The following PNKD variants were observed in gnomAD, a reference collection of about 807,000 sequenced individuals.
PNKD encodes PNKD metallo-beta-lactamase domain containing.
PNKD carries 36 observed loss-of-function variants against 45.3 expected under a neutral mutation model. The observed-to-expected ratio is 0.80, with a 90% CI of 0.61 to 1.05. The LOEUF (loss-of-function observed/expected upper bound fraction) is 1.05, where lower values mean the gene tolerates loss of function less well. Ranked by LOEUF, PNKD falls within the 50% of genes least tolerant of loss-of-function variation. The pLI is 0.00. For missense variants in PNKD, 511 were observed against 506.6 expected (o/e 1.01, Z -0.08); for synonymous variants, 197 against 210.1 (o/e 0.94, Z 0.54).
intron 2 of PNKD, among the ~76,000 whole-genome samples, chr2:218,296,632 C>A (rs1295255446): frequency 6.6e-6 from 1 of 152,174 alleles, no homozygotes; most frequent in Non-Finnish European, 1.5e-5. Context: ...GCATTGATCA[C>A]TAACTTTCTG....
intron 2 of PNKD, among the ~76,000 whole-genome samples, chr2:218,298,214 G>A (rs1693193900): frequency 6.6e-6 from 1 of 152,144 alleles, no homozygotes; most frequent in African/African-American, 2.4e-5. Context: ...CTGCAGGCAG[G>A]GCCAGCGAAA....
At chr2:218,332,597 C>T (rs1046078161) in intron 2 of PNKD, among the ~76,000 whole-genome samples, 4 of 152,066 alleles carry the variant, frequency 2.6e-5, no homozygotes, top group African/African-American at 9.7e-5. Flanking sequence ...AAGATCAAGA[C>T]CTCAGGCCAG....
At chr2:218,282,274 C>T (rs1184045127) in intron 2 of PNKD, 16 of 712,528 alleles carry the variant, frequency 2.2e-5, no homozygotes, top group Non-Finnish European at 8.7e-6. Flanking sequence ...AGGCTGCCTC[C>T]GTGGAGAGGA....
At chr2:218,315,304 G>T (rs976921538) in intron 2 of PNKD, among the ~76,000 whole-genome samples, 3 of 151,692 alleles carry the variant, frequency 2.0e-5, no homozygotes, top group African/African-American at 7.3e-5. Flanking sequence ...ACCACGCCCA[G>T]CTAATTTTTG....
chr2:218,339,881 A>G lies in PNKD; in HGVS notation c.335A>G (p.Gln112Arg), dbSNP rs1278260050. Residue 112 changes from glutamine (Q) to arginine (R), a missense_variant, in exon 3 of 10, where the codon CAG (glutamine) becomes CGG (arginine). Physicochemically the swap from Gln to Arg is conservative, Grantham distance 43. Transcript: ENST00000273077. ...TACCCTAAAGGCCACTCGAAAACCC[A>G]GCCCCGCCTCTTCAATGGTGAGCTC... ...NRYPKGHSKT[Q>R]PRLFNGVKVL... 6.3e-7 allele frequency: 1 copy of G among 1,594,006 alleles called. No individual in the cohort carries two copies. The highest frequency in any genetic ancestry group is 8.6e-7 in the Non-Finnish European group (1 of 1,168,538).
At chr2:218,329,638 C>A (rs1352796679) in intron 2 of PNKD, among the ~76,000 whole-genome samples, 1 of 152,230 alleles carries the variant, frequency 6.6e-6, no homozygotes, top group South Asian at 2.1e-4. Flanking sequence ...CGATGGCAGA[C>A]CCTGACCTGG....
At chr2:218,324,032 G>C (rs1056572544) in intron 2 of PNKD, among the ~76,000 whole-genome samples, 13 of 152,166 alleles carry the variant, frequency 8.5e-5, no homozygotes, top group Non-Finnish European at 1.5e-5. Flanking sequence ...GCCCCAGGCT[G>C]TGAAATCTGA....
chr2:218,298,522 A>C (rs1014010364), intron 2 of PNKD, among the ~76,000 whole-genome samples: 2 of 152,222 alleles, frequency 1.3e-5, no homozygotes, highest in African/African-American at 4.8e-5. Context: ...GGTAGTTGTA[A>C]GAATGAAAAA....
intron 2 of PNKD, chr2:218,282,106 G>T: frequency 1.9e-6 from 3 of 1,553,326 alleles, no homozygotes; most frequent in Non-Finnish European, 1.7e-6. Flanking sequence ...GGGGGTTGCG[G>T]TCTTCATATG....
chr2:218,325,238 T>C (rs1420631441), intron 2 of PNKD, among the ~76,000 whole-genome samples: 2 of 124,524 alleles, frequency 1.6e-5, no homozygotes, highest in African/African-American at 6.1e-5. Context: ...GGGCTCTTGC[T>C]CTGTTCCCTA....
At chr2:218,285,194 C>T (rs1192201011) in intron 2 of PNKD, among the ~76,000 whole-genome samples, 1 of 152,200 alleles carries the variant, frequency 6.6e-6, no homozygotes, top group Non-Finnish European at 1.5e-5. Context: ...TTACAACAGT[C>T]CAGCAAGTTA....
intron 7 of PNKD, 137 bp from the exon 8 acceptor site, chr2:218,343,363 G>C (rs982947977): frequency 2.7e-6 from 2 of 743,150 alleles, no homozygotes; most frequent in Non-Finnish European, 4.8e-6. Context: ...AGATGCCTGG[G>C]GTGGGTCTGG....
chr2:218,330,882 C>G (rs1168444527), intron 2 of PNKD, among the ~76,000 whole-genome samples: 1 of 152,242 alleles, frequency 6.6e-6, no homozygotes, highest in African/African-American at 2.4e-5. Context: ...AGAGCGTGAA[C>G]CCACATCTGG....
At chr2:218,335,385 G>A (rs934612653) in intron 2 of PNKD, among the ~76,000 whole-genome samples, 1 of 152,034 alleles carries the variant, frequency 6.6e-6, no homozygotes. Flanking sequence ...GGAGGCTGAG[G>A]CAGGAGAATT....
At chr2:218,334,827 G>T (rs954835846) in intron 2 of PNKD, 1 of 689,346 alleles carries the variant, frequency 1.5e-6, no homozygotes, top group African/African-American at 1.8e-5. Flanking sequence ...ATAATTAGTG[G>T]TTATTTTGTG....
At chr2:218,323,183 AG>A in intron 2 of PNKD, 1 of 1,378,490 alleles carries the variant, frequency 7.3e-7, no homozygotes, top group South Asian at 1.6e-5. Flanking sequence ...CAGAGCCGGC[AG>A]GCAGGTTCCC....
chr2:218,332,982 A>G (rs1694373672), intron 2 of PNKD, among the ~76,000 whole-genome samples: 1 of 152,206 alleles, frequency 6.6e-6, no homozygotes. Context: ...CACATCACCC[A>G]GAACCGTCCA....
At chr2:218,307,658 G>C (rs1286119213) in intron 2 of PNKD, among the ~76,000 whole-genome samples, 1 of 152,144 alleles carries the variant, frequency 6.6e-6, no homozygotes, top group African/African-American at 2.4e-5. Context: ...ACCAGTATAG[G>C]GTTGGAGGGA....
chr2:218,272,799 G>A, intron 2 of PNKD: 2 of 1,613,722 alleles, frequency 1.2e-6, no homozygotes, highest in East Asian at 2.2e-5. Flanking sequence ...TGACTGTTAA[G>A]TCCTCAGGTT....
Sources: gnomAD v4.1 joint callset for allele counts (sites outside exome capture counted in the v4.1 genomes callset) on GRCh38, gnomAD v4.1.1 for gene constraint, MANE v1.5 for transcripts, NCBI Gene and HGNC (gene_info 2026-07-23, HGNC 2026-07-21) for gene names.